FANCC: variants seen among roughly 807,000 people sequenced by gnomAD.
FANCC encodes the protein Fanconi anemia group C protein.
In FANCC, 55 loss-of-function variants were observed where a neutral mutation model predicts 71.3. The ratio of observed to expected loss-of-function variants is 0.77; its 90% confidence interval spans 0.62 to 0.97. The LOEUF is 0.97. Ranked by LOEUF, FANCC falls within the 50% of genes least tolerant of loss-of-function variation. The pLI is 0.00. For missense variants in FANCC, 678 were observed against 670.9 expected (o/e 1.01, Z -0.12); for synonymous variants, 275 against 244.9 (o/e 1.12, Z -1.15).
At chr9:95,306,634 A>C (rs1835082554) in intron 1 of FANCC, among the ~76,000 whole-genome samples, 1 of 152,138 alleles carries the variant, frequency 6.6e-6, no homozygotes, top group Admixed American at 6.6e-5. Context: ...TTTAAGGCAA[A>C]TGTTTTCTGC....
intron 1 of FANCC, among the ~76,000 whole-genome samples, chr9:95,280,480 G>C (rs1833318350): frequency 6.6e-6 from 1 of 152,104 alleles, no homozygotes; most frequent in African/African-American, 2.4e-5. Context: ...TTTTTCTTAA[G>C]ATCACATGGA....
At chr9:95,249,401 T>C in intron 1 of FANCC, 32 bp from the exon 2 acceptor site, 1 of 1,143,530 alleles carries the variant, frequency 8.7e-7, no homozygotes, top group South Asian at 1.3e-5. Flanking sequence ...GAAGCATTTC[T>C]AAAAGGCTCT....
At chr9:95,173,089 A>C (rs1053907655) in intron 4 of FANCC, among the ~76,000 whole-genome samples, 3 of 152,224 alleles carry the variant, frequency 2.0e-5, no homozygotes, top group African/African-American at 7.2e-5. Context: ...ATGAATGTTC[A>C]TCCTCCATAA....
chr9:95,107,607 A>C, intron 13 of FANCC: 3 of 415,924 alleles, frequency 7.2e-6, no homozygotes, highest in Non-Finnish European at 8.9e-6. Flanking sequence ...CTCCTTGAAG[A>C]CTCGCCTATC....
At chr9:95,224,975 G>T (rs551452709) in intron 4 of FANCC, among the ~76,000 whole-genome samples, 1 of 152,138 alleles carries the variant, frequency 6.6e-6, no homozygotes, top group African/African-American at 2.4e-5. Context: ...AAATACACTT[G>T]GTTCCTCTGC....
At chr9:95,272,434 A>G (rs970978581) in intron 1 of FANCC, among the ~76,000 whole-genome samples, 14 of 152,194 alleles carry the variant, frequency 9.2e-5, no homozygotes, top group African/African-American at 3.1e-4. Flanking sequence ...TAAAATGAAC[A>G]TAAGTTAGCC....
At chr9:95,162,333 A>G (rs918563172) in intron 6 of FANCC, among the ~76,000 whole-genome samples, 6 of 152,266 alleles carry the variant, frequency 3.9e-5, no homozygotes, top group South Asian at 2.1e-4. Context: ...TATATATACC[A>G]TATTTTCTTT....
intron 4 of FANCC, among the ~76,000 whole-genome samples, chr9:95,227,191 G>A (rs939408670): frequency 6.6e-6 from 1 of 152,070 alleles, no homozygotes; most frequent in African/African-American, 2.4e-5. Flanking sequence ...TGGTCAGTTC[G>A]GGAGAGAAAA....
chr9:95,291,629 T>C (rs1401303029), intron 1 of FANCC, among the ~76,000 whole-genome samples: 1 of 152,114 alleles, frequency 6.6e-6, no homozygotes, highest in Non-Finnish European at 1.5e-5. Flanking sequence ...ATTGGAAGAA[T>C]TCGTATCTTT....
intron 14 of FANCC, among the ~76,000 whole-genome samples, chr9:95,106,145 C>CT (rs1361617370): frequency 6.6e-6 from 1 of 152,124 alleles, no homozygotes; most frequent in Non-Finnish European, 1.5e-5. Flanking sequence ...TCTCTCCTTG[C>CT]TGACAGCCAT....
At chr9:95,196,862 T>C (rs1315364900) in intron 4 of FANCC, among the ~76,000 whole-genome samples, 3 of 152,204 alleles carry the variant, frequency 2.0e-5, no homozygotes, top group Admixed American at 2.0e-4. Flanking sequence ...CAAAAGCACC[T>C]TGCTGCTTAA....
intron 1 of FANCC, among the ~76,000 whole-genome samples, chr9:95,254,583 A>G (rs779791931): frequency 2.6e-5 from 4 of 152,190 alleles, no homozygotes; most frequent in Admixed American, 1.3e-4. Context: ...TTCGCAACCT[A>G]CAGACCAGAA....
intron 1 of FANCC, among the ~76,000 whole-genome samples, chr9:95,261,652 C>T (rs1039500083): frequency 6.6e-6 from 1 of 152,198 alleles, no homozygotes; most frequent in Non-Finnish European, 1.5e-5. Context: ...TTCACCTTCT[C>T]CACGTATGCA....
intron 4 of FANCC, among the ~76,000 whole-genome samples, chr9:95,213,799 C>T (rs574216253): frequency 6.6e-6 from 1 of 152,098 alleles, no homozygotes; most frequent in Non-Finnish European, 1.5e-5. Context: ...AAGAAAAAAA[C>T]AGGCAAATCA....
intron 4 of FANCC, among the ~76,000 whole-genome samples, chr9:95,223,493 G>C (rs551050516): frequency 1.3e-5 from 2 of 152,216 alleles, no homozygotes; most frequent in South Asian, 4.2e-4. Context: ...AATCGCTTCT[G>C]CAATTCCCTG....
At position 95,171,126 on chromosome 9, in the gene FANCC, C is replaced by T. The variant is rs768342908; in HGVS notation, c.474G>A (p.Ala158=). 13 of 1,613,186 alleles carry T rather than the reference C, an allele frequency of 8.1e-6. No homozygotes were observed. Among genetic ancestry groups the T allele is most frequent in the African/African-American group, 1.3e-5 (1 of 74,884 alleles). ...TAAGATGATTCTCTCTGAGTTCAGA[C>T]GCTAATGATAAAACCATCTGTAAAA... ...GLLKNMVLSL[A]SELRENHLNG... The change falls in exon 6 of 15, where the codon GCG becomes GCA. Residue 158 remains alanine, a synonymous_variant. Transcript: ENST00000289081.
At chr9:95,169,819 T>C (rs1338758085) in intron 6 of FANCC, among the ~76,000 whole-genome samples, 1 of 152,242 alleles carries the variant, frequency 6.6e-6, no homozygotes, top group Admixed American at 6.5e-5. Context: ...TTCTGCCATC[T>C]TGCTGATGTC....
At chr9:95,190,258 C>T (rs1163586345) in intron 4 of FANCC, among the ~76,000 whole-genome samples, 1 of 152,146 alleles carries the variant, frequency 6.6e-6, no homozygotes, top group African/African-American at 2.4e-5. Context: ...GCCCTGATCA[C>T]CTCCACTCCT....
intron 4 of FANCC, among the ~76,000 whole-genome samples, chr9:95,215,285 G>C (rs1828787314): frequency 6.6e-6 from 1 of 152,148 alleles, no homozygotes; most frequent in African/African-American, 2.4e-5. Flanking sequence ...TCTCTTAGGG[G>C]AGCAGAGAGC....
Sources: gnomAD v4.1 joint callset for allele counts (sites outside exome capture counted in the v4.1 genomes callset) on GRCh38, gnomAD v4.1.1 for gene constraint, MANE v1.5 for transcripts, NCBI Gene and HGNC (gene_info 2026-07-23, HGNC 2026-07-21) for gene names.